The following FAM220A variants were observed in gnomAD, a reference collection of about 807,000 sequenced individuals.
FAM220A encodes protein FAM220A.
For missense variants in FAM220A, 392 were observed against 321.6 expected (o/e 1.22, Z -1.68); for synonymous variants, 141 against 130.7 (o/e 1.08, Z -0.54).
chr7:6,346,060 T>C (rs977789798), intron 1 of FAM220A, among the ~76,000 whole-genome samples: 2 of 152,102 alleles, frequency 1.3e-5, no homozygotes, highest in Non-Finnish European at 2.9e-5. Flanking sequence ...TGAGACACCA[T>C]GCCCAGCCAA....
At chr7:6,334,804 C>CTT (rs60683708) in intron 1 of FAM220A, among the ~76,000 whole-genome samples, 65,296 of 151,120 alleles carry the variant, frequency 0.43, 14,281 homozygotes, top group African/African-American at 0.51. Context: ...GAGTTTCACT[C>CTT]GTTACCCAGG....
intron 1 of FAM220A, among the ~76,000 whole-genome samples, chr7:6,337,855 G>A (rs989306206): frequency 2.0e-5 from 3 of 151,428 alleles, no homozygotes; most frequent in Admixed American, 2.0e-4. Context: ...CCAGGCTGGA[G>A]TGCAGTGGTG....
intron 1 of FAM220A, among the ~76,000 whole-genome samples, chr7:6,339,771 G>A (rs955887898): frequency 8.0e-5 from 12 of 149,746 alleles, no homozygotes; most frequent in South Asian, 2.1e-4. Context: ...GTGCCCAGCC[G>A]TACCCCTCTC....
intron 1 of FAM220A, among the ~76,000 whole-genome samples, chr7:6,332,768 G>A (rs115328440): frequency 6.6e-4 from 100 of 152,282 alleles, no homozygotes; most frequent in African/African-American, 2.2e-3. Flanking sequence ...AGTGGCTGAC[G>A]GGGATGGAGA....
intron 1 of FAM220A, among the ~76,000 whole-genome samples, chr7:6,339,818 G>T (rs370787494): frequency 6.0e-4 from 91 of 151,794 alleles, no homozygotes; most frequent in African/African-American, 2.0e-3. Context: ...CGGTCCCCTG[G>T]ATGCTCACAG....
chr7:6,334,197 G>A (rs1781701748), intron 1 of FAM220A, among the ~76,000 whole-genome samples: 2 of 151,450 alleles, frequency 1.3e-5, no homozygotes, highest in Non-Finnish European at 2.9e-5. Context: ...TGAGTAGCTG[G>A]GATTACAGGT....
intron 1 of FAM220A, among the ~76,000 whole-genome samples, chr7:6,338,915 C>G (rs114219978): frequency 2.6e-5 from 4 of 152,236 alleles, no homozygotes; most frequent in South Asian, 2.1e-4. Flanking sequence ...GACTGCCGCA[C>G]GCAAGGAGAG....
At chr7:6,343,662 G>A (rs114668644) in intron 1 of FAM220A, among the ~76,000 whole-genome samples, 99 of 151,948 alleles carry the variant, frequency 6.5e-4, no homozygotes, top group African/African-American at 2.2e-3. Flanking sequence ...AGGCTTGCTT[G>A]CAAATAGTAT....
Position 6,329,586 on chromosome 7 carries a change from A to C in FAM220A, c.*789T>G, listed in dbSNP as rs1478645139. 1 of 156,582 alleles carries C rather than the reference A, an allele frequency of 6.4e-6. No individual in the cohort carries two copies. Among genetic ancestry groups the C allele is most frequent in the Non-Finnish European group, 1.5e-5 (1 of 68,078 alleles). The allele number at this position is 156,582 out of a possible 1,614,324, so 9.7% of individuals were successfully genotyped here. A position where few individuals can be genotyped will look rare whatever the true frequency, so the allele number is the denominator to read the frequency against. On this transcript the variant is annotated 3_prime_UTR_variant, in exon 2 of 2. Coordinates refer to ENST00000313324, the MANE Select transcript of FAM220A (RefSeq NM_001037163.2). ...GAGTCTTTAAAAACTTATGTCCTTA[A>C]ATGACCTTTATTAAAGTTATCAACA... is the stretch of plus-strand genomic sequence containing the variant.
rs1781586050 is a variant in FAM220A at position 6,329,563 on chromosome 7, G to T, written c.*812C>A. ...AAAATGTTTAAGTTTCACTTTGGGA[G>T]TCTTTAAAAACTTATGTCCTTAAAT... On this transcript the variant is annotated 3_prime_UTR_variant, in exon 2 of 2. Coordinates refer to ENST00000313324, the MANE Select transcript of FAM220A (RefSeq NM_001037163.2). 6.5e-6 allele frequency: 1 copy of T among 154,492 alleles called. No individual in the cohort carries two copies. The allele number at this position is 154,492 out of a possible 1,614,324, so 9.6% of individuals were successfully genotyped here. A position where few individuals can be genotyped will look rare whatever the true frequency, so the allele number is the denominator to read the frequency against.
chr7:6,336,467 G>A (rs1202119064), intron 1 of FAM220A, among the ~76,000 whole-genome samples: 2 of 152,070 alleles, frequency 1.3e-5, no homozygotes, highest in African/African-American at 4.8e-5. Flanking sequence ...GATCTCTTGA[G>A]GTCAGGAGTT....
chr7:6,347,879 C>A (rs1781983149), intron 1 of FAM220A, among the ~76,000 whole-genome samples: 1 of 112,500 alleles, frequency 8.9e-6, no homozygotes, highest in Non-Finnish European at 1.8e-5. Context: ...CATAACGAGA[C>A]CCCTTTATTA....
intron 1 of FAM220A, among the ~76,000 whole-genome samples, chr7:6,347,687 C>G (rs1781978496): frequency 6.6e-6 from 1 of 152,132 alleles, no homozygotes. Flanking sequence ...TCAGTTCCAC[C>G]TCTGGCCAAA....
chr7:6,343,514 G>C (rs895266867), intron 1 of FAM220A, among the ~76,000 whole-genome samples: 7 of 146,192 alleles, frequency 4.8e-5, no homozygotes, highest in East Asian at 2.0e-4. Context: ...GGCATGACTT[G>C]TTAAATTATA....
Position 6,339,378 on chromosome 7 carries a change from G to T in FAM220A, c.-81-8143C>A, listed in dbSNP as rs542171662. On this transcript the variant is annotated intron_variant, in intron 1 of 1. Coordinates refer to ENST00000313324, the MANE Select transcript of FAM220A (RefSeq NM_001037163.2). ...AGCTACTCAGGAGGTCGAGGTGGGA[G>T]GATCGTTTGAGCCTAGGAGTTTGAG... Among the ~76,000 whole-genome samples the T allele has an allele frequency of 1.9e-4, 29 of 152,148 alleles. 1 individual carries two copies. The highest frequency in any genetic ancestry group is 6.8e-3 in the Middle Eastern group (2 of 294).
At chr7:6,341,144 A>C (rs188920880) in intron 1 of FAM220A, among the ~76,000 whole-genome samples, 2,436 of 74,902 alleles carry the variant, frequency 0.033, 60 homozygotes, top group African/African-American at 0.12. Context: ...ACTCTGTCCC[A>C]AAAAAAAAAA....
Position 6,348,810 on chromosome 7 carries a change from C to G in FAM220A, c.-319G>C. ...CCCGCCCGCCCTCTCCGCGCCGCGT[C>G]GCCCCGGCAGCTGACCCTCGCCTGG... On this transcript the variant is annotated 5_prime_UTR_variant, in exon 1 of 2. Transcript: ENST00000313324. 2.5e-6 allele frequency: 1 copy of G among 395,860 alleles called. No homozygotes were observed. 24.5% of individuals were successfully genotyped at this position (395,860 alleles called of 1,614,324 possible).
chr7:6,342,861 A>AC (rs976348884), intron 1 of FAM220A, among the ~76,000 whole-genome samples: 2 of 151,328 alleles, frequency 1.3e-5, no homozygotes, highest in African/African-American at 2.4e-5. Flanking sequence ...ACATAGTGAG[A>AC]CCCCATCTAG....
At chr7:6,342,166 A>C (rs1298494581) in intron 1 of FAM220A, among the ~76,000 whole-genome samples, 1 of 151,986 alleles carries the variant, frequency 6.6e-6, no homozygotes. Flanking sequence ...TCTCTTCTTA[A>C]AGCTTCATTT....
Sources: gnomAD v4.1 joint callset for allele counts (sites outside exome capture counted in the v4.1 genomes callset) on GRCh38, gnomAD v4.1.1 for gene constraint, MANE v1.5 for transcripts, NCBI Gene and HGNC (gene_info 2026-07-23, HGNC 2026-07-21) for gene names.